Variants in KIF1C observed in about 807,000 individuals in gnomAD.
KIF1C encodes kinesin-like protein KIF1C.
A neutral mutation model predicts 126.5 loss-of-function variants in KIF1C; 61 were observed. The observed-to-expected ratio is 0.48, with a 90% CI of 0.39 to 0.60. The LOEUF (loss-of-function observed/expected upper bound fraction) is 0.60. Ranked by LOEUF, KIF1C falls within the 20% of genes least tolerant of loss-of-function variation. The pLI, the probability that KIF1C is intolerant of heterozygous loss-of-function variation, is 0.00. For synonymous variants in KIF1C, 640 were observed against 580.6 expected (o/e 1.10, Z -1.47); for missense variants, 1,315 against 1,489.2 (o/e 0.88, Z 1.93).
rs201827392 is a variant in KIF1C at position 5,020,725 on chromosome 17, T to A, written c.1937+47T>A. ...GCCCCATGGCCGTCTAGGCCGTCCC[T>A]CCCGGGCCTCTGGGCCCGTGTCCTC... On this transcript the variant is annotated intron_variant, in intron 20 of 22. Transcript: ENST00000320785. The surrounding 1 kb of genome is among the most constrained non-coding windows in gnomAD (Gnocchi z 5.8). 1 of 1,610,042 alleles carries A rather than the reference T, an allele frequency of 6.2e-7. No individual in the cohort carries two copies. Among genetic ancestry groups the A allele is most frequent in the Non-Finnish European group, 8.5e-7 (1 of 1,177,420 alleles).
Position 5,019,997 on chromosome 17 carries a change from GGT to G in KIF1C, c.1670_1671del (p.Val557GlyfsTer7). ...RSIPQPDGEV[V>X]VTLEPCEGAE... The stretch of plus-strand genomic sequence containing the variant: ...CCCTTCCTCTGCCCCTCCATTCAGT[GGT>G]GGTCACTCTGGAGCCTTGTGAAGGA... On this transcript the variant is annotated frameshift_variant and splice_region_variant, in exon 19 of 23. Coordinates refer to ENST00000320785, the MANE Select transcript of KIF1C (RefSeq NM_006612.6). LOFTEE classifies it high-confidence loss of function. The G allele has an allele frequency of 6.2e-7, 1 of 1,601,910 alleles. No homozygotes were observed. Among genetic ancestry groups the G allele is most frequent in the South Asian group, 1.1e-5 (1 of 88,760 alleles).
Position 5,026,945 on chromosome 17 carries a change from CA to C in KIF1C, c.*2799del. 1 of 151,904 alleles carries C rather than the reference CA, an allele frequency of 6.6e-6. No homozygotes were observed. Among genetic ancestry groups the C allele is most frequent in the East Asian group, 1.9e-4 (1 of 5,172 alleles). The allele number at this position is 151,904 out of a possible 1,614,324, so 9.4% of individuals were successfully genotyped here. A position where few individuals can be genotyped will look rare whatever the true frequency, so the allele number is the denominator to read the frequency against. ...CCCCATCTCTACAAAAAATAAAAAT[CA>C]AAAATAATACTGTGGGCAAACTTTA... On this transcript the variant is annotated 3_prime_UTR_variant, in exon 23 of 23. Transcript: ENST00000320785.
At chr17:5,004,222 G>T in intron 11 of KIF1C, 149 bp downstream of exon 11, 1 of 712,868 alleles carries the variant, frequency 1.4e-6, no homozygotes, top group East Asian at 2.6e-5. Context: ...ATCCTTTGAA[G>T]ATTTCCTGAT....
At chr17:5,014,183 T>C (rs904164283) in intron 17 of KIF1C, 8 of 175,336 alleles carry the variant, frequency 4.6e-5, no homozygotes, top group Admixed American at 1.7e-4. Flanking sequence ...AGGGTGCCCT[T>C]CCCCTCCCAC....
At chr17:5,005,431 T>C (rs1186112046) in intron 13 of KIF1C, among the ~76,000 whole-genome samples, 1 of 152,190 alleles carries the variant, frequency 6.6e-6, no homozygotes, top group Non-Finnish European at 1.5e-5. Context: ...GCCTCACTGA[T>C]GGAAATAGTG....
At chr17:5,008,824 G>A (rs908652906) in intron 16 of KIF1C, among the ~76,000 whole-genome samples, 1 of 152,188 alleles carries the variant, frequency 6.6e-6, no homozygotes, top group Non-Finnish European at 1.5e-5. Flanking sequence ...GAGGGGCTAC[G>A]GATGCGCTCA....
At position 5,004,087 on chromosome 17, in the gene KIF1C, C is replaced by T. The variant is rs1310170108; in HGVS notation, c.940+14C>T. Reference sequence around the variant, plus strand: ...AGGAAAATTTGGGTGAGGGCCTCTTCCTCTTTCTCTGCCGACCCTGACACA... The same window carrying T: ...AGGAAAATTTGGGTGAGGGCCTCTTTCTCTTTCTCTGCCGACCCTGACACA... On this transcript the variant is annotated intron_variant, in intron 11 of 22. Transcript: ENST00000320785. 2 of 1,581,680 alleles carry T rather than the reference C, an allele frequency of 1.3e-6. No individual in the cohort carries two copies. The highest frequency in any genetic ancestry group is 1.7e-6 in the Non-Finnish European group (2 of 1,151,206).
chr17:5,003,099 C>T (rs1177206438), intron 8 of KIF1C, among the ~76,000 whole-genome samples: 1 of 151,076 alleles, frequency 6.6e-6, no homozygotes, highest in Middle Eastern at 3.4e-3. Flanking sequence ...TACAGTGGTG[C>T]AGTGGTGCGA....
chr17:5,005,630 A>G (rs1974709689), intron 13 of KIF1C, among the ~76,000 whole-genome samples: 1 of 152,212 alleles, frequency 6.6e-6, no homozygotes, highest in Non-Finnish European at 1.5e-5. Context: ...ATTTTCTTGC[A>G]GAAGAGAAAG....
At position 4,999,947 on chromosome 17, in the gene KIF1C, C is replaced by G. The variant is rs1334801830; in HGVS notation, c.-51C>G. The G allele has an allele frequency of 5.0e-6, 2 of 403,096 alleles. No individual in the cohort carries two copies. Among genetic ancestry groups the G allele is most frequent in the Non-Finnish European group, 9.2e-6 (2 of 217,108 alleles). 25.0% of individuals were successfully genotyped at this position (403,096 alleles called of 1,614,324 possible). On this transcript the variant is annotated 5_prime_UTR_variant, in exon 2 of 23. Coordinates refer to ENST00000320785, the MANE Select transcript of KIF1C (RefSeq NM_006612.6). ...TGGCAGCCAGAACTGATACAGCCCC[C>G]CTGGTCTGGGGCCAGGACGCCAGGT...
chr17:5,018,350 C>T (rs1192418488), intron 18 of KIF1C, among the ~76,000 whole-genome samples: 1 of 85,406 alleles, frequency 1.2e-5, no homozygotes, highest in African/African-American at 4.4e-5. Context: ...TGCCTTTTTC[C>T]CCCCCTCTTC....
chr17:5,017,301 T>TC (rs1864282876), intron 18 of KIF1C, among the ~76,000 whole-genome samples: 1 of 143,086 alleles, frequency 7.0e-6, no homozygotes, highest in Non-Finnish European at 1.5e-5. Context: ...TTCTTTTTTT[T>TC]TTTTTTTTTT....
chr17:5,014,616 C>T, intron 17 of KIF1C, 127 bp from the exon 18 acceptor site: 4 of 712,554 alleles, frequency 5.6e-6, no homozygotes, highest in Non-Finnish European at 9.9e-6. Context: ...CCTCCCTGAG[C>T]CTCTGCTTCC....
chr17:5,013,853 A>G lies in KIF1C; in HGVS notation c.1571+121A>G, dbSNP rs559460873. ...CTGGAGATACCTCAGATCTCTAAAC[A>G]GCTGCCTCCACAGCCCTGCACGCTC... On this transcript the variant is annotated intron_variant, in intron 17 of 22. Transcript: ENST00000320785. The G allele has an allele frequency of 8.5e-6, 6 of 704,178 alleles. No homozygotes were observed. In the South Asian group the frequency reaches 1.0e-4, roughly 12 times the overall value. 43.6% of individuals were successfully genotyped at this position (704,178 alleles called of 1,614,324 possible).
chr17:5,020,641 C>G lies in KIF1C; in HGVS notation c.1900C>G (p.Gln634Glu). 1 of 1,614,174 alleles carries G rather than the reference C, an allele frequency of 6.2e-7. No individual in the cohort carries two copies. Among genetic ancestry groups the G allele is most frequent in the Non-Finnish European group, 8.5e-7 (1 of 1,179,992 alleles). Residue 634 changes from glutamine (Q) to glutamate (E), a missense_variant, in exon 20 of 23, where the codon CAG becomes GAG. Gln to Glu is a conservative substitution (Grantham distance 29). This residue lies in a region of KIF1C where 874 missense variants were observed against 1,053.2 expected (regional missense o/e 0.83). Coordinates refer to ENST00000320785, the MANE Select transcript of KIF1C (RefSeq NM_006612.6). The surrounding 1 kb of genome is among the most constrained non-coding windows in gnomAD (Gnocchi z 5.8). The stretch of plus-strand genomic sequence containing the variant: ...CTTTGCCCAGAAGGAACTGCTGGAG[C>G]AGCAAGGCATCGACATAAAGCTGGA... Reference protein sequence around the residue: ...WNFAQKELLEQQGIDIKLEME... With the variant: ...WNFAQKELLEEQGIDIKLEME...
intron 18 of KIF1C, among the ~76,000 whole-genome samples, chr17:5,016,133 G>A (rs1974966213): frequency 6.7e-6 from 1 of 148,560 alleles, no homozygotes; most frequent in Non-Finnish European, 1.5e-5. Flanking sequence ...GGTGTGTATG[G>A]TCAGCACTTT....
chr17:5,011,827 C>T (rs1449470064), intron 16 of KIF1C: 1 of 152,276 alleles, frequency 6.6e-6, no homozygotes, highest in Non-Finnish European at 1.5e-5. Context: ...GTGCTTTCTG[C>T]CTCCATGCTT....
chr17:5,014,075 C>T (rs987589279), intron 17 of KIF1C: 11 of 295,338 alleles, frequency 3.7e-5, no homozygotes, highest in Non-Finnish European at 4.4e-5. Context: ...GAAACACGGC[C>T]TGGTCTGTGC....
Position 5,000,777 on chromosome 17 carries a change from A to G in KIF1C, c.112A>G (p.Ile38Val). The change falls in exon 4 of 23, where the codon ATC (isoleucine) becomes GTC (valine). Residue 38 changes from isoleucine (I) to valine (V), a missense_variant. By Grantham distance (29) the Ile-to-Val change is conservative. This residue lies in a region of KIF1C where 874 missense variants were observed against 1,053.2 expected (regional missense o/e 0.83). Transcript: ENST00000320785. ...VSMQGNTTSI[I>V]NPKQSKDAPK... ...TACCCTCTCCTGCCCCTCAGCCATCATCAATCCTAAACAGAGCAAGGATGC... is the reference window on the plus strand; with the variant it reads ...TACCCTCTCCTGCCCCTCAGCCATCGTCAATCCTAAACAGAGCAAGGATGC... 6.2e-7 allele frequency: 1 copy of G among 1,613,964 alleles called. No individual in the cohort carries two copies. Among genetic ancestry groups the G allele is most frequent in the Non-Finnish European group, 8.5e-7 (1 of 1,179,922 alleles).
Sources: allele counts gnomAD v4.1 joint callset (sites outside exome capture counted in the v4.1 genomes callset), GRCh38; gene constraint gnomAD v4.1.1; regional missense constraint gnomAD v4.1.1; non-coding constraint Gnocchi (gnomAD v3.1); transcripts MANE v1.5; gene names NCBI Gene and HGNC (gene_info 2026-07-23, HGNC 2026-07-21).